Variants in MGAM2 observed in about 807,000 individuals in gnomAD.
MGAM2 encodes probable maltase-glucoamylase 2.
Under a neutral mutation model 96.1 loss-of-function variants are expected in MGAM2, and 98 were observed. The ratio of observed to expected loss-of-function variants is 1.02; its 90% confidence interval spans 0.87 to 1.21. MGAM2 has a LOEUF of 1.21. Ranked by LOEUF, MGAM2 falls within the 50% of genes most tolerant of loss-of-function variation. The probability of loss-of-function intolerance (pLI) is 0.00; values close to 1 mark genes in which losing one functional copy is unlikely to be tolerated. For synonymous variants in MGAM2, 749 were observed against 414.8 expected (o/e 1.81, Z -9.79); for missense variants, 2,055 against 1,182.4 (o/e 1.74, Z -10.82).
intron 17 of MGAM2, among the ~76,000 whole-genome samples, chr7:142,155,589 T>A (rs1795710690): frequency 6.6e-6 from 1 of 152,206 alleles, no homozygotes; most frequent in African/African-American, 2.4e-5. Flanking sequence ...GGATTAACAG[T>A]CAAACCTTCA....
chr7:142,131,157 C>A, intron 4 of MGAM2, 86 bp downstream of exon 4: 1 of 664,044 alleles, frequency 1.5e-6, no homozygotes, highest in Non-Finnish European at 2.8e-6. Context: ...AGCTAAAAGT[C>A]AGGCAGGCGT....
At chr7:142,163,040 C>T (rs11526220) in intron 23 of MGAM2, among the ~76,000 whole-genome samples, 31,510 of 152,022 alleles carry the variant, frequency 0.21, 3,305 homozygotes, top group South Asian at 0.26. Context: ...AACTAAACTG[C>T]TTGCAACCTT....
chr7:142,136,435 A>G (rs1349623526), intron 7 of MGAM2, 106 bp from the exon 8 acceptor site: 1 of 466,488 alleles, frequency 2.1e-6, no homozygotes, highest in East Asian at 3.2e-5. Context: ...AACTACATGA[A>G]GTGTTGACCA....
intron 45 of MGAM2, chr7:142,208,260 C>T: frequency 2.0e-6 from 1 of 509,834 alleles, no homozygotes; most frequent in Non-Finnish European, 3.8e-6. Flanking sequence ...TGACTACATG[C>T]TTGCTGTCTC....
At chr7:142,120,106 G>C (rs1794518965) in intron 2 of MGAM2, among the ~76,000 whole-genome samples, 196 bp from the exon 3 acceptor site, 2 of 152,184 alleles carry the variant, frequency 1.3e-5, no homozygotes, top group Non-Finnish European at 2.9e-5. Flanking sequence ...TTTAAACTTG[G>C]AGAAGTGTTA....
At chr7:142,196,843 G>A (rs1797058070) in intron 40 of MGAM2, 27 bp downstream of exon 40, 1 of 761,840 alleles carries the variant, frequency 1.3e-6, no homozygotes. Context: ...TGCTCCAGGT[G>A]TTGTGTACCC....
chr7:142,146,465 C>T (rs375846741), intron 14 of MGAM2, among the ~76,000 whole-genome samples: 10 of 152,074 alleles, frequency 6.6e-5, no homozygotes, highest in African/African-American at 2.4e-4. Flanking sequence ...TGTTATACTG[C>T]GTAGGAAAAA....
In MGAM2 at chr7:142,154,002, A is replaced by T. The variant is rs776923950; in HGVS notation, c.1635-16A>T. 74 of 635,270 alleles carry T rather than the reference A, an allele frequency of 1.2e-4. No individual in the cohort carries two copies. Among genetic ancestry groups the T allele is most frequent in the Non-Finnish European group, 1.8e-4 (61 of 339,768 alleles). The allele number at this position is 635,270 out of a possible 1,614,324, so 39.4% of individuals were successfully genotyped here. On this transcript the variant is annotated splice_polypyrimidine_tract_variant and intron_variant, in intron 15 of 47. Coordinates refer to ENST00000477922, the MANE Select transcript of MGAM2 (RefSeq NM_001293626.2). ...CACAGCCCACCTCACACTCCACTGG[A>T]TGTATTCCTTTCCAGAGCCCTGGAG... is the stretch of plus-strand genomic sequence containing the variant.
rs765524524 is a variant in MGAM2 at position 142,220,856 on chromosome 7, T to C, written c.6345T>C (p.Ser2115=). The change falls in exon 48 of 48, where the codon AGT becomes AGC. Residue 2115 remains serine (S), a synonymous_variant. Coordinates refer to ENST00000477922, the MANE Select transcript of MGAM2 (RefSeq NM_001293626.2). ...CAAGTACTGCTGATGCCACCATTAG[T>C]ACTACTGTACTTATTGCCACTACTT... is the stretch of plus-strand genomic sequence containing the variant. The part of the protein sequence containing the change: ...SLTSTADATI[S]TTVLIATTSS... The C allele has an allele frequency of 3.8e-5, 27 of 702,050 alleles. No individual in the cohort carries two copies. The South Asian group carries it at 4.0e-4, about 10-fold the overall frequency. 43.5% of individuals were successfully genotyped at this position (702,050 alleles called of 1,614,324 possible). A position where few individuals can be genotyped will look rare whatever the true frequency, so the allele number is the denominator to read the frequency against.
At chr7:142,170,884 C>G (rs1294859389) in intron 27 of MGAM2, among the ~76,000 whole-genome samples, 1 of 152,162 alleles carries the variant, frequency 6.6e-6, no homozygotes, top group African/African-American at 2.4e-5. Context: ...AGTCCTTTGG[C>G]CAACTCAAGA....
intron 3 of MGAM2, among the ~76,000 whole-genome samples, chr7:142,127,357 CA>C (rs1794758701): frequency 6.6e-6 from 1 of 151,306 alleles, no homozygotes; most frequent in Admixed American, 6.6e-5. Context: ...TCATATTTTC[CA>C]TTTTTTTTAT....
chr7:142,112,768 G>A (rs890758066), intron 1 of MGAM2, among the ~76,000 whole-genome samples: 1 of 152,096 alleles, frequency 6.6e-6, no homozygotes, highest in Non-Finnish European at 1.5e-5. Context: ...ATATCTGTCT[G>A]ATCAGCTTCA....
intron 32 of MGAM2, among the ~76,000 whole-genome samples, chr7:142,178,361 A>G (rs986379143): frequency 2.6e-5 from 4 of 152,028 alleles, no homozygotes; most frequent in Non-Finnish European, 5.9e-5. Context: ...TGTTTATTTT[A>G]ATTGGATCCA....
intron 9 of MGAM2, 150 bp downstream of exon 9, chr7:142,137,695 T>G (rs1310474801): frequency 2.2e-6 from 1 of 451,792 alleles, no homozygotes; most frequent in African/African-American, 2.0e-5. Flanking sequence ...TTATTTATTT[T>G]GATGACCTTT....
Position 142,148,773 on chromosome 7 carries a change from T to G in MGAM2, c.1634+1200T>G, listed in dbSNP as rs1195125624. The stretch of plus-strand genomic sequence containing the variant: ...TTGTCTTTCTCGGCTTCTTTCCCCC[T>G]GTTTTGGTGTTTCTAGAGCACTGTT... On this transcript the variant is annotated intron_variant, in intron 15 of 47. Coordinates refer to ENST00000477922, the MANE Select transcript of MGAM2 (RefSeq NM_001293626.2). This position sits in a 1 kb window ranked among gnomAD's most constrained non-coding sequence, Gnocchi z 4.2. 1.3e-5 allele frequency among the ~76,000 whole-genome samples: 2 copies of G among 152,142 alleles called. No homozygotes were observed. The highest frequency in any genetic ancestry group is 2.9e-5 in the Non-Finnish European group (2 of 68,028).
chr7:142,123,965 T>TA (rs1794660780), intron 3 of MGAM2, among the ~76,000 whole-genome samples: 1 of 111,426 alleles, frequency 9.0e-6, no homozygotes, highest in Admixed American at 8.6e-5. Context: ...TCCAGAAACT[T>TA]TTTTTTTTTT....
At chr7:142,216,708 C>T (rs1347868112) in intron 46 of MGAM2, among the ~76,000 whole-genome samples, 2 of 152,150 alleles carry the variant, frequency 1.3e-5, no homozygotes, top group Non-Finnish European at 2.9e-5. Context: ...TTAGTACACC[C>T]ATTTATTTTG....
At chr7:142,153,516 G>A (rs1371244339) in intron 15 of MGAM2, among the ~76,000 whole-genome samples, 1 of 152,168 alleles carries the variant, frequency 6.6e-6, no homozygotes, top group Admixed American at 6.5e-5. Context: ...GAGGAAGCCA[G>A]GGATAAGTTC....
In MGAM2 at chr7:142,189,371, G is replaced by T; in HGVS notation, c.4212G>T (p.Leu1404Phe). 1.4e-6 allele frequency: 1 copy of T among 693,024 alleles called. No individual in the cohort carries two copies. The allele number at this position is 693,024 out of a possible 1,614,324, so 42.9% of individuals were successfully genotyped here. A position where few individuals can be genotyped will look rare whatever the true frequency, so the allele number is the denominator to read the frequency against. ...MLNNPPYMPY[L>F]ESRDKGLSSK... ...TAACTCAACATTTCCCCTCAGATTT[G>T]GAATCTAGGGACAAGGGCCTGAGCA... is the stretch of plus-strand genomic sequence containing the variant. Residue 1404 changes from leucine to phenylalanine, a missense_variant, in exon 37 of 48, where the codon TTG becomes TTT. By Grantham distance (22) the Leu-to-Phe change is conservative. Coordinates refer to ENST00000477922, the MANE Select transcript of MGAM2 (RefSeq NM_001293626.2).
Sources: allele counts gnomAD v4.1 joint callset (sites outside exome capture counted in the v4.1 genomes callset), GRCh38; gene constraint gnomAD v4.1.1; non-coding constraint Gnocchi (gnomAD v3.1); transcripts MANE v1.5; gene names NCBI Gene and HGNC (gene_info 2026-07-23, HGNC 2026-07-21).